The following SLK variants were observed in gnomAD, a reference collection of about 807,000 sequenced individuals.
The protein encoded by SLK is STE20-like serine/threonine-protein kinase.
A neutral mutation model predicts 147.7 loss-of-function variants in SLK; 67 were observed. That is an observed-to-expected ratio of 0.45 (90% CI 0.37 to 0.56). The LOEUF (loss-of-function observed/expected upper bound fraction) is 0.56, where lower values mean the gene tolerates loss of function less well. Among genes scored for constraint, SLK ranks in the 20% least tolerant of loss-of-function variants. The pLI is 0.00. For synonymous variants in SLK, 441 were observed against 475.0 expected (o/e 0.93, Z 0.93); for missense variants, 1,136 against 1,438.8 (o/e 0.79, Z 3.41).
At chr10:104,021,343 T>C (rs548006789) in intron 17 of SLK, among the ~76,000 whole-genome samples, 29 of 152,348 alleles carry the variant, frequency 1.9e-4, no homozygotes, top group African/African-American at 7.0e-4. Context: ...GTGTCAGTTT[T>C]ATGAGCAAAT....
chr10:104,001,847 C>T (rs1272093862), intron 8 of SLK, among the ~76,000 whole-genome samples: 1 of 152,118 alleles, frequency 6.6e-6, no homozygotes, highest in Non-Finnish European at 1.5e-5. Flanking sequence ...TCCCGAGTAG[C>T]TGGGACTACA....
intron 7 of SLK, among the ~76,000 whole-genome samples, chr10:104,001,086 A>T (rs1844241459): frequency 1.4e-5 from 2 of 147,876 alleles, no homozygotes; most frequent in Non-Finnish European, 3.0e-5. Context: ...AAAAAAAAAA[A>T]GTAATAATGT....
intron 1 of SLK, among the ~76,000 whole-genome samples, chr10:103,979,723 T>C (rs968937740): frequency 2.0e-5 from 3 of 152,196 alleles, no homozygotes; most frequent in Non-Finnish European, 2.9e-5. Context: ...CTTTTTCTTA[T>C]TGATTTATGG....
Position 103,999,113 on chromosome 10 carries a change from T to G in SLK, c.588-6T>G. The G allele has an allele frequency of 6.2e-7, 1 of 1,602,576 alleles. No homozygotes were observed. The highest frequency in any genetic ancestry group is 8.5e-7 in the Non-Finnish European group (1 of 1,174,290). On this transcript the variant is annotated splice_polypyrimidine_tract_variant and splice_region_variant and intron_variant, in intron 5 of 18. Transcript: ENST00000369755. ...CATGTTAACTTTTAATTATCTGTCT[T>G]CATAGGATGGCTCCTGAAGTAGTCA...
At chr10:104,022,871 G>A (rs1298865053) in intron 18 of SLK, among the ~76,000 whole-genome samples, 2 of 152,230 alleles carry the variant, frequency 1.3e-5, no homozygotes, top group Non-Finnish European at 2.9e-5. Flanking sequence ...GCCTCTCGAA[G>A]TGCTGGGATT....
chr10:104,021,774 C>A, intron 18 of SLK, 41 bp downstream of exon 18: 1 of 1,045,444 alleles, frequency 9.6e-7, no homozygotes, highest in Non-Finnish European at 1.5e-6. Flanking sequence ...TGTGTGTACT[C>A]GTCCGTCTAC....
chr10:104,006,162 T>A, intron 11 of SLK, 127 bp downstream of exon 11: 1 of 992,554 alleles, frequency 1.0e-6, no homozygotes, highest in Non-Finnish European at 1.5e-6. Flanking sequence ...TCTAGCTTTG[T>A]GATTTATTTC....
At chr10:104,019,063 G>T in intron 15 of SLK, 155 bp downstream of exon 15, 1 of 655,404 alleles carries the variant, frequency 1.5e-6, no homozygotes, top group East Asian at 3.2e-5. Flanking sequence ...GTAATTAATT[G>T]TATCTTGATC....
In SLK at chr10:104,015,598, A is replaced by C. The variant is rs900102676; in HGVS notation, c.2878-2562A>C. ...TGAGTGGAAGCTCCTTGAAGGCAGA[A>C]CTCTCTTTCATTAATTTTAGTAACC... On this transcript the variant is annotated intron_variant, in intron 13 of 18. Coordinates refer to ENST00000369755, the MANE Select transcript of SLK (RefSeq NM_014720.4). Among the ~76,000 whole-genome samples the C allele has an allele frequency of 3.9e-5, 6 of 152,200 alleles. No homozygotes were observed. The East Asian group carries it at 1.2e-3, about 29-fold the overall frequency.
chr10:103,984,341 G>T (rs553772123), intron 1 of SLK, among the ~76,000 whole-genome samples: 1 of 151,924 alleles, frequency 6.6e-6, no homozygotes, highest in East Asian at 1.9e-4. Context: ...ATATCACCTC[G>T]GTTAGACCTA....
In SLK at chr10:104,020,469, CTTT is replaced by C; in HGVS notation, c.3322-14_3322-12del. 1 of 1,602,544 alleles carries C rather than the reference CTTT, an allele frequency of 6.2e-7. No individual in the cohort carries two copies. The highest frequency in any genetic ancestry group is 8.5e-7 in the Non-Finnish European group (1 of 1,174,614). On this transcript the variant is annotated splice_polypyrimidine_tract_variant and intron_variant, in intron 16 of 18. Coordinates refer to ENST00000369755, the MANE Select transcript of SLK (RefSeq NM_014720.4). ...CACATGCTTCTGAACTATAGTTTAT[CTTT>C]TTTTCTTATTTATAGTTTGCTGCAC...
intron 1 of SLK, among the ~76,000 whole-genome samples, chr10:103,985,046 A>G (rs1843994725): frequency 6.6e-6 from 1 of 152,352 alleles, no homozygotes; most frequent in Non-Finnish European, 1.5e-5. Flanking sequence ...AGGTGAGTAC[A>G]GTACAGTAAG....
chr10:103,992,086 C>T (rs1358173853), intron 2 of SLK, among the ~76,000 whole-genome samples: 6 of 145,386 alleles, frequency 4.1e-5, no homozygotes, highest in Non-Finnish European at 7.5e-5. Context: ...AGATAAGCAC[C>T]TATCAGCAGG....
chr10:104,015,509 A>T (rs955780064), intron 13 of SLK, among the ~76,000 whole-genome samples: 1 of 152,174 alleles, frequency 6.6e-6, no homozygotes, highest in African/African-American at 2.4e-5. Flanking sequence ...ATGTGATACT[A>T]AGGGAAGGGA....
chr10:103,992,354 A>G (rs1275498807), intron 2 of SLK, among the ~76,000 whole-genome samples: 1 of 152,030 alleles, frequency 6.6e-6, no homozygotes, highest in Non-Finnish European at 1.5e-5. Flanking sequence ...GTTGTAGAGA[A>G]GCAGGGACAG....
At chr10:103,979,027 T>C (rs1373090520) in intron 1 of SLK, among the ~76,000 whole-genome samples, 2 of 152,076 alleles carry the variant, frequency 1.3e-5, no homozygotes, top group Non-Finnish European at 2.9e-5. Flanking sequence ...AATTTTAATA[T>C]TTTTTTGAGA....
intron 1 of SLK, among the ~76,000 whole-genome samples, chr10:103,969,118 C>T (rs1843759464): frequency 6.6e-6 from 1 of 152,072 alleles, no homozygotes; most frequent in Non-Finnish European, 1.5e-5. Context: ...TACAGGCATA[C>T]GCCACCATGC....
rs773650254 is a variant in SLK at position 103,967,703 on chromosome 10, T to A, written c.-43T>A. ...GGAAGAGAAACTTTGCCTTTTATTG[T>A]TTTTAGTCCTTAAGTGCAAGGAACT... is the stretch of plus-strand genomic sequence containing the variant. On this transcript the variant is annotated 5_prime_UTR_variant, in exon 1 of 19. Coordinates refer to ENST00000369755, the MANE Select transcript of SLK (RefSeq NM_014720.4). 6.3e-7 allele frequency: 1 copy of A among 1,592,108 alleles called. No homozygotes were observed.
intron 13 of SLK, among the ~76,000 whole-genome samples, chr10:104,015,366 C>T (rs1844449132): frequency 6.6e-6 from 1 of 152,218 alleles, no homozygotes; most frequent in African/African-American, 2.4e-5. Context: ...CATAGCTCCT[C>T]TTTACCCTTT....
Sources: allele counts gnomAD v4.1 joint callset (sites outside exome capture counted in the v4.1 genomes callset), GRCh38; gene constraint gnomAD v4.1.1; transcripts MANE v1.5; gene names NCBI Gene and HGNC (gene_info 2026-07-23, HGNC 2026-07-21).